PLEKHM3: variants seen among roughly 807,000 people sequenced by gnomAD.
PLEKHM3 encodes the protein pleckstrin homology domain-containing family M member 3.
In PLEKHM3, 45 loss-of-function variants were observed where a neutral mutation model predicts 81.8. The ratio of observed to expected loss-of-function variants is 0.55; its 90% CI spans 0.43 to 0.71. The LOEUF is 0.71. PLEKHM3 is among the 30% of genes least tolerant of loss of function. The pLI, the probability that PLEKHM3 is intolerant of heterozygous loss-of-function variation, is 0.00. For synonymous variants in PLEKHM3, 352 were observed against 356.4 expected, an observed-to-expected ratio of 0.99 and a Z score of 0.14; for missense variants, 788 against 924.3, an observed-to-expected ratio of 0.85 and a Z score of 1.91.
At chr2:208,003,995 C>T (rs1574484523) in intron 1 of PLEKHM3, among the ~76,000 whole-genome samples, 1 of 152,056 alleles carries the variant, frequency 6.6e-6, no homozygotes, top group Non-Finnish European at 1.5e-5. Context: ...CAAATTTAGT[C>T]TTTACTCATG....
chr2:207,845,193 T>C (rs73062859), intron 7 of PLEKHM3, among the ~76,000 whole-genome samples: 6,631 of 152,284 alleles, frequency 0.044, 306 homozygotes, highest in African/African-American at 0.11. Context: ...AAAAGATTTT[T>C]TAAAAGACAA....
At chr2:207,960,914 G>A (rs1213445802) in intron 3 of PLEKHM3, among the ~76,000 whole-genome samples, 8 of 152,062 alleles carry the variant, frequency 5.3e-5, no homozygotes, top group Non-Finnish European at 1.2e-4. Context: ...AGTTTCTGGG[G>A]GAAAAAATTG....
intron 1 of PLEKHM3, among the ~76,000 whole-genome samples, chr2:208,016,346 C>T (rs1483712189): frequency 6.6e-6 from 1 of 151,894 alleles, no homozygotes; most frequent in African/African-American, 2.4e-5. Context: ...CTATAATCTA[C>T]TAAAAGATGA....
At chr2:207,919,790 A>C (rs1161994313) in intron 5 of PLEKHM3, among the ~76,000 whole-genome samples, 1 of 152,232 alleles carries the variant, frequency 6.6e-6, no homozygotes, top group Admixed American at 6.5e-5. Flanking sequence ...CCTCAGCTAC[A>C]GTGAACTCAC....
intron 5 of PLEKHM3, among the ~76,000 whole-genome samples, chr2:207,918,249 G>A (rs559662181): frequency 6.6e-6 from 1 of 152,156 alleles, no homozygotes; most frequent in Non-Finnish European, 1.5e-5. Flanking sequence ...AGTGCCGGGC[G>A]TGGTGGCTCA....
chr2:207,991,857 G>A (rs1691910366), intron 2 of PLEKHM3, among the ~76,000 whole-genome samples: 1 of 152,186 alleles, frequency 6.6e-6, no homozygotes, highest in African/African-American at 2.4e-5. Context: ...TGGGTATCCT[G>A]TGAAGTGTTT....
At chr2:207,865,801 A>AAATATAT in intron 6 of PLEKHM3, among the ~76,000 whole-genome samples, 2 of 25,290 alleles carry the variant, frequency 7.9e-5, no homozygotes, top group African/African-American at 2.1e-4. Flanking sequence ...AAAAAAAAAA[A>AAATATAT]AGATATATAT....
intron 6 of PLEKHM3, chr2:207,900,480 G>GAGGAGCATCAAAGTCACAGTGT (rs1189706599): frequency 6.6e-6 from 1 of 152,210 alleles, no homozygotes; most frequent in Non-Finnish European, 1.5e-5. Context: ...TACTGAATAG[G>GAGGAGCATCAAAGTCACAGTGT]AGGAGCATCA....
chr2:208,000,124 T>A (rs1251060315), intron 2 of PLEKHM3, among the ~76,000 whole-genome samples: 1 of 152,200 alleles, frequency 6.6e-6, no homozygotes, highest in Admixed American at 6.5e-5. Flanking sequence ...TGCACACATA[T>A]GTGTATAAAG....
At chr2:208,022,482 TTA>T (rs1475574407) in intron 1 of PLEKHM3, among the ~76,000 whole-genome samples, 2 of 152,172 alleles carry the variant, frequency 1.3e-5, no homozygotes, top group Non-Finnish European at 2.9e-5. Flanking sequence ...AAGAATCCAG[TTA>T]TAAGCTTATT....
chr2:207,887,939 C>A lies in PLEKHM3; in HGVS notation c.1950+20575G>T, dbSNP rs114457606. Among the ~76,000 whole-genome samples, 267 of 152,262 alleles carry A rather than the reference C, an allele frequency of 1.8e-3. 1 individual carries two copies. The highest frequency in any genetic ancestry group is 5.6e-3 in the African/African-American group (231 of 41,532). On this transcript the variant is annotated intron_variant, in intron 6 of 7. Transcript: ENST00000427836. Reference sequence around the variant, plus strand: ...TTGGAAATTTATGGCAATCTCTAGACCCTATACTGGGCCTATGTTGATGGT... The same window carrying A: ...TTGGAAATTTATGGCAATCTCTAGAACCTATACTGGGCCTATGTTGATGGT...
chr2:207,897,335 A>G (rs575753369), intron 6 of PLEKHM3, among the ~76,000 whole-genome samples: 1 of 151,790 alleles, frequency 6.6e-6, no homozygotes, highest in Non-Finnish European at 1.5e-5. Flanking sequence ...GCTGAAGAAA[A>G]CTCCCAGGAG....
chr2:207,888,674 G>A (rs1464045750), intron 6 of PLEKHM3, among the ~76,000 whole-genome samples: 5 of 152,174 alleles, frequency 3.3e-5, no homozygotes, highest in East Asian at 3.9e-4. Context: ...GATTACAGGC[G>A]TAAGCCACCA....
At chr2:207,899,000 T>C (rs1208012370) in intron 6 of PLEKHM3, among the ~76,000 whole-genome samples, 1 of 152,214 alleles carries the variant, frequency 6.6e-6, no homozygotes, top group Non-Finnish European at 1.5e-5. Context: ...CAAACAACAA[T>C]ATGAAAAGCT....
chr2:207,937,111 C>T (rs1189700456), intron 4 of PLEKHM3, among the ~76,000 whole-genome samples: 1 of 152,026 alleles, frequency 6.6e-6, no homozygotes, highest in East Asian at 1.9e-4. Flanking sequence ...TGTACGCACG[C>T]CCCCTTTTAC....
chr2:207,863,052 A>T (rs2092475952), intron 6 of PLEKHM3, among the ~76,000 whole-genome samples: 1 of 152,216 alleles, frequency 6.6e-6, no homozygotes, highest in African/African-American at 2.4e-5. Context: ...TGCAAGGGAA[A>T]GGAGCTGGAG....
At chr2:207,868,274 A>ATTT (rs34177402) in intron 6 of PLEKHM3, among the ~76,000 whole-genome samples, 7 of 124,538 alleles carry the variant, frequency 5.6e-5, no homozygotes, top group African/African-American at 1.2e-4. Context: ...GCTTATTATT[A>ATTT]TTTTTTTTTT....
At chr2:207,974,018 T>C (rs1230044538) in intron 3 of PLEKHM3, among the ~76,000 whole-genome samples, 1 of 152,104 alleles carries the variant, frequency 6.6e-6, no homozygotes, top group Non-Finnish European at 1.5e-5. Flanking sequence ...AGTCAAGCAG[T>C]GCAAATAAAT....
chr2:207,963,193 G>C (rs965945060), intron 3 of PLEKHM3, among the ~76,000 whole-genome samples: 1 of 152,162 alleles, frequency 6.6e-6, no homozygotes, highest in Non-Finnish European at 1.5e-5. Flanking sequence ...GAATGAGCTG[G>C]GGGTCGTGCT....
Sources: allele counts gnomAD v4.1 joint callset (sites outside exome capture counted in the v4.1 genomes callset), GRCh38; gene constraint gnomAD v4.1.1; transcripts MANE v1.5; gene names NCBI Gene and HGNC (gene_info 2026-07-23, HGNC 2026-07-21).